DCLRE1C: variants seen among roughly 807,000 people sequenced by gnomAD.
DCLRE1C encodes protein artemis.
DCLRE1C carries 47 observed loss-of-function variants against 61.4 expected under a neutral mutation model. The observed-to-expected ratio is 0.77, with a 90% CI of 0.61 to 0.98. The LOEUF (loss-of-function observed/expected upper bound fraction) is 0.98, where lower values mean the gene tolerates loss of function less well. DCLRE1C is among the 50% of genes least tolerant of loss of function. DCLRE1C has a pLI of 0.00. For missense variants in DCLRE1C, 858 were observed against 816.0 expected, an observed-to-expected ratio of 1.05 and a Z score of -0.63; for synonymous variants, 337 against 287.6, an observed-to-expected ratio of 1.17 and a Z score of -1.74.
chr10:14,929,475 C>G (rs1025650944), intron 9 of DCLRE1C, among the ~76,000 whole-genome samples: 28 of 146,974 alleles, frequency 1.9e-4, no homozygotes, highest in African/African-American at 5.3e-4. Context: ...GATTCCATCT[C>G]TACAAAAAAA....
chr10:14,904,449 C>T (rs1834233072), downstream of DCLRE1C: 1 of 150,920 alleles, frequency 6.6e-6, no homozygotes, highest in Non-Finnish European at 1.5e-5. Flanking sequence ...ACAGGTTGCC[C>T]CCAGTGGCCA....
At position 14,944,186 on chromosome 10, in the gene DCLRE1C, T is replaced by C. The variant is rs1841314023; in HGVS notation, c.246+919A>G. Among the ~76,000 whole-genome samples the C allele has an allele frequency of 2.6e-5, 4 of 152,200 alleles. No homozygotes were observed. In the South Asian group the frequency reaches 6.2e-4, roughly 24 times the overall value. On this transcript the variant is annotated intron_variant, in intron 3 of 13. Coordinates refer to ENST00000378278, the MANE Select transcript of DCLRE1C (RefSeq NM_001033855.3). ...CACTTTACACTCTAAAATATTAAAATGTGGCCAGGCATGGTGGCTCACACC... is the reference window on the plus strand; with the variant it reads ...CACTTTACACTCTAAAATATTAAAACGTGGCCAGGCATGGTGGCTCACACC...
chr10:14,924,556 A>C (rs1837636453), intron 11 of DCLRE1C, among the ~76,000 whole-genome samples: 1 of 152,182 alleles, frequency 6.6e-6, no homozygotes, highest in South Asian at 2.1e-4. Context: ...AACAGTCAAT[A>C]AAATCATCCA....
intron 4 of DCLRE1C, among the ~76,000 whole-genome samples, chr10:14,939,322 T>C (rs1840488710): frequency 6.6e-6 from 1 of 151,838 alleles, no homozygotes; most frequent in South Asian, 2.1e-4. Flanking sequence ...CAGGCGCCTG[T>C]AATCCCAGCT....
At chr10:14,934,665 C>A (rs757245170) in intron 7 of DCLRE1C, 38 bp downstream of exon 7, 4 of 1,611,374 alleles carry the variant, frequency 2.5e-6, no homozygotes, top group Non-Finnish European at 2.5e-6. Context: ...AACACGGGCA[C>A]ACCCAGATGA....
intron 10 of DCLRE1C, 152 bp from the exon 11 acceptor site, chr10:14,927,049 T>G (rs565176378): frequency 5.7e-6 from 4 of 697,718 alleles, no homozygotes; most frequent in South Asian, 4.8e-5. Flanking sequence ...AAATCAGGAA[T>G]TTCTTCTTGG....
rs777600117 is a variant in DCLRE1C, at chr10:14,908,960, G to A, written c.1527C>T (p.Ser509=). 5.6e-6 allele frequency: 9 copies of A among 1,614,140 alleles called. No individual in the cohort carries two copies. The South Asian group carries it at 7.7e-5, about 14-fold the overall frequency. The change falls in exon 14 of 14, where the codon TCC becomes TCT. Residue 509 remains serine (S), a synonymous_variant. Transcript: ENST00000378278. The part of the protein sequence containing the change: ...ITDESLENFP[S]STVAGGSQSP... ...ACTGAGATCCCCCTGCCACTGTGGA[G>A]GAAGGGAAGTTTTCCAAACTCTCAT...
At chr10:14,932,692 G>A (rs755355804) in intron 9 of DCLRE1C, among the ~76,000 whole-genome samples, 162 bp downstream of exon 9, 11 of 152,188 alleles carry the variant, frequency 7.2e-5, no homozygotes, top group Non-Finnish European at 7.3e-5. Context: ...TGTGGTCATG[G>A]AATATGGCAA....
chr10:14,899,244 C>G lies in DCLRE1C; in HGVS notation c.1225G>C (p.Gly409Arg), dbSNP rs978587789. The G allele has an allele frequency of 2.7e-5, 19 of 702,000 alleles. No homozygotes were observed. The Middle Eastern group carries it at 7.0e-4, about 26-fold the overall frequency. 43.5% of individuals were successfully genotyped at this position (702,000 alleles called of 1,614,324 possible). Reference sequence around the variant, plus strand: ...CTGAGGCAGGAAGATCGCTTGATCCCAGGAGTTAAAGGATACAGGGAGTCA... The same window carrying G: ...CTGAGGCAGGAAGATCGCTTGATCCGAGGAGTTAAAGGATACAGGGAGTCA... Residue 409 changes from glycine to arginine, a missense_variant, in exon 14 of 14, where the codon GGG becomes CGG. Gly to Arg is a moderately radical substitution (Grantham distance 125). Transcript: ENST00000378289.
At chr10:14,951,989 G>T (rs1056425901) in intron 1 of DCLRE1C, among the ~76,000 whole-genome samples, 4 of 152,218 alleles carry the variant, frequency 2.6e-5, no homozygotes, top group African/African-American at 9.6e-5. Flanking sequence ...CACCCTTGAT[G>T]AGTTTATGTC....
At chr10:14,899,822 T>G (rs747364188), downstream of DCLRE1C, 1 of 1,047,872 alleles carries the variant, frequency 9.5e-7, no homozygotes, top group Non-Finnish European at 1.3e-6. Flanking sequence ...GGAGGGCAGC[T>G]TCTGTTAAGT....
intron 3 of DCLRE1C, chr10:14,942,252 A>G (rs1840975774): frequency 6.6e-6 from 1 of 152,280 alleles, no homozygotes; most frequent in African/African-American, 2.4e-5. Flanking sequence ...TATTGAGGCC[A>G]GAGGAAGTGA....
chr10:14,926,692 A>T, intron 11 of DCLRE1C, 151 bp downstream of exon 11: 1 of 575,622 alleles, frequency 1.7e-6, no homozygotes. Context: ...ATGAATAATG[A>T]GGATGAACTG....
chr10:14,948,032 A>C (rs1316073276), intron 2 of DCLRE1C, among the ~76,000 whole-genome samples: 1 of 152,222 alleles, frequency 6.6e-6, no homozygotes, highest in African/African-American at 2.4e-5. Flanking sequence ...CCTGGGCGAC[A>C]GAGCAACACC....
At chr10:14,919,643 A>C (rs1836770732) in intron 13 of DCLRE1C, 95 bp downstream of exon 13, 1 of 941,014 alleles carries the variant, frequency 1.1e-6, no homozygotes, top group Non-Finnish European at 1.8e-6. Context: ...TCCCAGGTCC[A>C]CTCTGCCCAA....
chr10:14,938,256 C>G (rs1840298019), intron 4 of DCLRE1C, among the ~76,000 whole-genome samples: 1 of 152,178 alleles, frequency 6.6e-6, no homozygotes, highest in South Asian at 2.1e-4. Context: ...TCACCAATAT[C>G]CCTGATTGTG....
rs1834323998 is a variant in DCLRE1C at position 14,905,568 on chromosome 10, CT to C, written c.*2839del. Among the ~76,000 whole-genome samples, 1 of 152,244 alleles carries C rather than the reference CT, an allele frequency of 6.6e-6. No homozygotes were observed. Among genetic ancestry groups the C allele is most frequent in the Non-Finnish European group, 1.5e-5 (1 of 68,038 alleles). On this transcript the variant is annotated 3_prime_UTR_variant, in exon 14 of 14. Coordinates refer to ENST00000378278, the MANE Select transcript of DCLRE1C (RefSeq NM_001033855.3). ...ACTTTTTAAAGTATTTAATCTTCGG[CT>C]TCAGGCAGACTTTTTAAAAAACTAG...
chr10:14,908,222 C>T lies in DCLRE1C; in HGVS notation c.*186G>A. 1 of 435,480 alleles carries T rather than the reference C, an allele frequency of 2.3e-6. No homozygotes were observed. The highest frequency in any genetic ancestry group is 2.2e-5 in the South Asian group (1 of 44,820). 27.0% of individuals were successfully genotyped at this position (435,480 alleles called of 1,614,324 possible). On this transcript the variant is annotated 3_prime_UTR_variant, in exon 14 of 14. Transcript: ENST00000378278. Reference sequence around the variant, plus strand: ...GACACATTTCACTGTGTTGGCCAGGCTGGTGTCGAACTCCTGGGCTCAAGC... The same window carrying T: ...GACACATTTCACTGTGTTGGCCAGGTTGGTGTCGAACTCCTGGGCTCAAGC...
intron 13 of DCLRE1C, among the ~76,000 whole-genome samples, chr10:14,917,081 A>T (rs1836319448): frequency 6.6e-6 from 1 of 152,266 alleles, no homozygotes; most frequent in Non-Finnish European, 1.5e-5. Flanking sequence ...GAAAGAATCC[A>T]GAAAATAATC....
Sources: allele counts gnomAD v4.1 joint callset (sites outside exome capture counted in the v4.1 genomes callset), GRCh38; gene constraint gnomAD v4.1.1; transcripts MANE v1.5; gene names NCBI Gene and HGNC (gene_info 2026-07-23, HGNC 2026-07-21).